SUSD4: variants seen among roughly 807,000 people sequenced by gnomAD.
SUSD4 encodes the protein sushi domain containing 4.
A neutral mutation model predicts 50.5 loss-of-function variants in SUSD4; 41 were observed. The observed-to-expected ratio is 0.81, with a 90% CI of 0.63 to 1.05. The LOEUF (loss-of-function observed/expected upper bound fraction) is 1.05, where lower values mean the gene tolerates loss of function less well. Ranked by LOEUF, SUSD4 falls within the 50% of genes least tolerant of loss-of-function variation. The pLI, the probability that SUSD4 is intolerant of heterozygous loss-of-function variation, is 0.00. For synonymous variants in SUSD4, 257 were observed against 257.3 expected, an observed-to-expected ratio of 1.00 and a Z score of 0.01; for missense variants, 580 against 634.7, an observed-to-expected ratio of 0.91 and a Z score of 0.93.
intron 2 of SUSD4, among the ~76,000 whole-genome samples, chr1:223,301,985 C>G (rs1447563805): frequency 6.6e-6 from 1 of 152,210 alleles, no homozygotes; most frequent in Non-Finnish European, 1.5e-5. Context: ...GAACTGTAAT[C>G]TCCAGTGTTA....
intron 3 of SUSD4, 82 bp downstream of exon 3, chr1:223,292,357 G>C: frequency 1.1e-5 from 16 of 1,463,100 alleles, no homozygotes; most frequent in Non-Finnish European, 1.5e-5. Flanking sequence ...CCAGGGTATT[G>C]AGCTGTCACA....
chr1:223,228,213 C>T (rs1659657835), intron 6 of SUSD4, among the ~76,000 whole-genome samples: 1 of 152,170 alleles, frequency 6.6e-6, no homozygotes, highest in South Asian at 2.1e-4. Flanking sequence ...GCCCTACCAC[C>T]TCTAGCCATC....
intron 2 of SUSD4, among the ~76,000 whole-genome samples, chr1:223,306,595 G>T (rs749342362): frequency 6.6e-6 from 1 of 152,150 alleles, no homozygotes. Flanking sequence ...AGGCTCAAGC[G>T]ATCCTCACAC....
chr1:223,251,124 G>A (rs765686604), intron 5 of SUSD4, among the ~76,000 whole-genome samples: 10 of 152,158 alleles, frequency 6.6e-5, no homozygotes, highest in South Asian at 4.1e-4. Flanking sequence ...CAATATGACT[G>A]TTATGTTAGT....
Position 223,227,850 on chromosome 1 carries a change from T to A in SUSD4, c.917-112A>T. 18 of 1,386,138 alleles carry A rather than the reference T, an allele frequency of 1.3e-5. No individual in the cohort carries two copies. The highest frequency in any genetic ancestry group is 1.8e-5 in the Non-Finnish European group (18 of 1,026,846). 85.9% of individuals were successfully genotyped at this position (1,386,138 alleles called of 1,614,324 possible). The stretch of plus-strand genomic sequence containing the variant: ...TCTGGCACAAGAGATGCGTGCAAGG[T>A]GCCTCTGACCCCCAGGGCTCGGCAG... On this transcript the variant is annotated intron_variant, in intron 6 of 8. Coordinates refer to ENST00000366878, the MANE Select transcript of SUSD4 (RefSeq NM_017982.4). This position sits in a 1 kb window ranked among gnomAD's most constrained non-coding sequence, Gnocchi z 4.5.
chr1:223,286,749 G>A (rs1263999795), intron 3 of SUSD4, among the ~76,000 whole-genome samples: 2 of 152,204 alleles, frequency 1.3e-5, no homozygotes, highest in Non-Finnish European at 2.9e-5. Flanking sequence ...TAATAACATC[G>A]AGTGAGTGCC....
At chr1:223,240,172 TA>T (rs1660483424) in intron 5 of SUSD4, among the ~76,000 whole-genome samples, 1 of 152,150 alleles carries the variant, frequency 6.6e-6, no homozygotes, top group African/African-American at 2.4e-5. Context: ...TGTTCCTCTG[TA>T]AGTAAGGTGT....
intron 2 of SUSD4, among the ~76,000 whole-genome samples, chr1:223,329,770 AAGG>A (rs1472858289): frequency 6.6e-6 from 1 of 152,168 alleles, no homozygotes; most frequent in East Asian, 1.9e-4. Context: ...AGATGAACAG[AAGG>A]ATGGATGGAT....
intron 3 of SUSD4, among the ~76,000 whole-genome samples, chr1:223,288,835 A>T (rs1288191612): frequency 6.6e-6 from 1 of 152,200 alleles, no homozygotes; most frequent in Non-Finnish European, 1.5e-5. Context: ...TATGATGTAC[A>T]AACCGAAGTT....
chr1:223,287,533 A>T (rs1664223162), intron 3 of SUSD4, among the ~76,000 whole-genome samples: 1 of 152,146 alleles, frequency 6.6e-6, no homozygotes. Context: ...TTTAAAAGCA[A>T]GTGCTGCTCT....
At chr1:223,315,549 C>T (rs1259763179) in intron 2 of SUSD4, among the ~76,000 whole-genome samples, 11 of 152,188 alleles carry the variant, frequency 7.2e-5, no homozygotes, top group South Asian at 2.1e-4. Context: ...AAAACCCTAG[C>T]GTCTGCATTT....
intron 5 of SUSD4, chr1:223,264,131 A>C: frequency 2.0e-6 from 2 of 985,448 alleles, no homozygotes; most frequent in Non-Finnish European, 2.4e-6. Flanking sequence ...CGTGAATCAC[A>C]ATCTATAGTC....
At chr1:223,345,900 A>G (rs1228011389) in intron 2 of SUSD4, among the ~76,000 whole-genome samples, 1 of 152,148 alleles carries the variant, frequency 6.6e-6, no homozygotes, top group Admixed American at 6.5e-5. Context: ...CTCTGCTGCC[A>G]GTACCTCCTC....
At chr1:223,261,140 G>C (rs1002835750) in intron 5 of SUSD4, among the ~76,000 whole-genome samples, 2 of 152,178 alleles carry the variant, frequency 1.3e-5, no homozygotes, top group Non-Finnish European at 2.9e-5. Context: ...GGGCATTGTG[G>C]GGCGGCAGCA....
chr1:223,354,486 C>G (rs911222650), intron 2 of SUSD4, among the ~76,000 whole-genome samples: 1 of 152,172 alleles, frequency 6.6e-6, no homozygotes, highest in African/African-American at 2.4e-5. Context: ...CAGACCATAT[C>G]GTTCTAAATC....
intron 4 of SUSD4, among the ~76,000 whole-genome samples, chr1:223,265,742 T>A (rs1488679324): frequency 6.6e-6 from 1 of 152,256 alleles, no homozygotes; most frequent in East Asian, 1.9e-4. Flanking sequence ...AATTCTGTTG[T>A]GTGTGGCATC....
intron 2 of SUSD4, among the ~76,000 whole-genome samples, chr1:223,325,835 G>T (rs967999172): frequency 1.3e-5 from 2 of 151,982 alleles, no homozygotes; most frequent in African/African-American, 4.8e-5. Flanking sequence ...ATCTCCCTAC[G>T]GAGAACTATA....
upstream of SUSD4, among the ~76,000 whole-genome samples, chr1:223,364,676 G>A (rs1390008546): frequency 3.3e-5 from 5 of 151,484 alleles, no homozygotes; most frequent in African/African-American, 1.2e-4. This position sits in a 1 kb window ranked among gnomAD's most constrained non-coding sequence, Gnocchi z 4.5. Flanking sequence ...CCCAGCCCGC[G>A]GCGCGGCGCG....
chr1:223,267,580 C>T (rs570063799), intron 4 of SUSD4, among the ~76,000 whole-genome samples: 2 of 152,230 alleles, frequency 1.3e-5, no homozygotes, highest in South Asian at 2.1e-4. Flanking sequence ...CGTGATGGTC[C>T]GGGCTGCTTT....
Sources: gnomAD v4.1 joint callset for allele counts (sites outside exome capture counted in the v4.1 genomes callset) on GRCh38, gnomAD v4.1.1 for gene constraint, Gnocchi (gnomAD v3.1) non-coding constraint, MANE v1.5 for transcripts, NCBI Gene and HGNC (gene_info 2026-07-23, HGNC 2026-07-21) for gene names.